The following SYNE1 variants were observed in gnomAD, a reference collection of about 807,000 sequenced individuals.
SYNE1 encodes spectrin repeat containing nuclear envelope protein 1, also known as nesprin-1.
SYNE1 carries 616 observed loss-of-function variants against 1,111.0 expected under a neutral mutation model. The ratio of observed to expected loss-of-function variants is 0.55; its 90% CI spans 0.52 to 0.59. The LOEUF is 0.59. SYNE1 is among the 20% of genes least tolerant of loss of function. The pLI, the probability that SYNE1 is intolerant of heterozygous loss-of-function variation, is 0.00. For missense variants in SYNE1, 10,006 were observed against 10,417.0 expected, an observed-to-expected ratio of 0.96 and a Z score of 1.72; for synonymous variants, 3,855 against 3,825.8, an observed-to-expected ratio of 1.01 and a Z score of -0.28.
intron 116 of SYNE1, among the ~76,000 whole-genome samples, chr6:152,224,955 ATG>A (rs1166337962): frequency 5.6e-4 from 81 of 145,880 alleles, no homozygotes; most frequent in African/African-American, 8.9e-4. Context: ...ACACATATAT[ATG>A]TGTATATATA....
Position 152,602,505 on chromosome 6 carries a change from A to G in SYNE1, c.67+25760T>C, listed in dbSNP as rs527782381. Among the ~76,000 whole-genome samples the G allele has an allele frequency of 1.8e-4, 28 of 152,296 alleles. 2 individuals carry two copies. Among genetic ancestry groups the G allele is most frequent in the African/African-American group, 6.5e-4 (27 of 41,558 alleles). On this transcript the variant is annotated intron_variant, in intron 3 of 145. Transcript: ENST00000367255. ...TTTCCATTGTTCAAGCCACCCAGTT[A>G]TGGTACTTTAATATGACCATCCTAG...
intron 54 of SYNE1, among the ~76,000 whole-genome samples, chr6:152,386,847 A>G (rs1011008551): frequency 3.9e-5 from 6 of 152,200 alleles, no homozygotes; most frequent in Non-Finnish European, 7.3e-5. Flanking sequence ...TAATCCCAAG[A>G]TTGTAGAAAG....
intron 115 of SYNE1, 49 bp from the exon 116 acceptor site, chr6:152,225,925 C>T: frequency 1.4e-5 from 22 of 1,575,174 alleles, no homozygotes; most frequent in Non-Finnish European, 1.9e-5. Context: ...TTATGGAACT[C>T]TGGGGTGCAC....
At chr6:152,611,257 C>T (rs578205766) in intron 3 of SYNE1, among the ~76,000 whole-genome samples, 4 of 152,104 alleles carry the variant, frequency 2.6e-5, no homozygotes, top group East Asian at 1.9e-4. Flanking sequence ...ACCCATCTCA[C>T]GTGCAGAGAC....
intron 25 of SYNE1, 60 bp downstream of exon 25, chr6:152,453,526 C>T (rs2098668744): frequency 6.2e-7 from 1 of 1,613,054 alleles, no homozygotes; most frequent in Non-Finnish European, 8.5e-7. Context: ...TGGACCTTAA[C>T]ACGCTCAAGC....
At position 152,413,206 on chromosome 6, in the gene SYNE1, T is replaced by C. The variant is rs922092019; in HGVS notation, c.6230+146A>G. ...ATAAAGTTCTGTCGAAATAAGTAAA[T>C]TTTCAATGTTATGAAAGTGACACAG... On this transcript the variant is annotated intron_variant, in intron 42 of 145. Coordinates refer to ENST00000367255, the MANE Select transcript of SYNE1 (RefSeq NM_182961.4). 12 of 988,276 alleles carry C rather than the reference T, an allele frequency of 1.2e-5. No homozygotes were observed. The African/African-American group carries it at 1.6e-4, about 13-fold the overall frequency. 61.2% of individuals were successfully genotyped at this position (988,276 alleles called of 1,614,324 possible).
At chr6:152,474,189 A>G (rs955358500) in intron 14 of SYNE1, among the ~76,000 whole-genome samples, 1 of 152,150 alleles carries the variant, frequency 6.6e-6, no homozygotes, top group African/African-American at 2.4e-5. Flanking sequence ...TGTCTCAAAA[A>G]AAAAAAAGAA....
At chr6:152,175,861 C>A (rs1482587761) in intron 130 of SYNE1, among the ~76,000 whole-genome samples, 3 of 152,130 alleles carry the variant, frequency 2.0e-5, no homozygotes, top group African/African-American at 7.2e-5. Context: ...ATGTAATATT[C>A]TTCTTAGGTA....
At chr6:152,463,676 T>A (rs370383464) in intron 18 of SYNE1, among the ~76,000 whole-genome samples, 159 bp from the exon 19 acceptor site, 7 of 152,302 alleles carry the variant, frequency 4.6e-5, no homozygotes, top group African/African-American at 1.7e-4. Context: ...TGATAAAAAG[T>A]TTCAAAATGT....
chr6:152,345,355 A>G (rs1327382078), intron 73 of SYNE1, among the ~76,000 whole-genome samples: 1 of 152,036 alleles, frequency 6.6e-6, no homozygotes. Context: ...GTGTAGCCTC[A>G]TTTTCTCTCT....
At chr6:152,602,674 G>T (rs1032487451) in intron 3 of SYNE1, among the ~76,000 whole-genome samples, 2 of 152,066 alleles carry the variant, frequency 1.3e-5, no homozygotes, top group Admixed American at 6.6e-5. Context: ...ATCCTTTCTG[G>T]AACAAGTAGG....
rs377235444 is a variant in SYNE1, at chr6:152,421,671, TTTTATTTATTTATTTATTTA to T, written c.5268-1969_5268-1950del. Among the ~76,000 whole-genome samples, 18 of 145,398 alleles carry T rather than the reference TTTTATTTATTTATTTATTTA, an allele frequency of 1.2e-4. No individual in the cohort carries two copies. The South Asian group carries it at 2.6e-3, about 21-fold the overall frequency. The stretch of plus-strand genomic sequence containing the variant: ...CCAAATCTTCCTTCCATTTTCCTTA[TTTTATTTATTTATTTATTTA>T]TTTATTTATTTATTTATTTATTTAT... On this transcript the variant is annotated intron_variant, in intron 39 of 145. Transcript: ENST00000367255.
chr6:152,474,166 C>G (rs1055208562), intron 14 of SYNE1, among the ~76,000 whole-genome samples: 2 of 144,468 alleles, frequency 1.4e-5, no homozygotes, highest in Non-Finnish European at 3.0e-5. Flanking sequence ...GCCTGGGCAA[C>G]AGGGTAAGAC....
At chr6:152,363,610 A>T in intron 63 of SYNE1, 1 of 248,272 alleles carries the variant, frequency 4.0e-6, no homozygotes, top group Non-Finnish European at 8.4e-6. Context: ...GTCCTTTTGT[A>T]GCAGACACTG....
chr6:152,248,417 TATAA>T (rs569713083), intron 105 of SYNE1, among the ~76,000 whole-genome samples: 13 of 151,948 alleles, frequency 8.6e-5, no homozygotes, highest in Non-Finnish European at 1.6e-4. Context: ...GCTTATAATT[TATAA>T]ATAAATAAAA....
intron 118 of SYNE1, among the ~76,000 whole-genome samples, 185 bp from the exon 119 acceptor site, chr6:152,221,231 T>C (rs2080106188): frequency 6.6e-6 from 1 of 152,198 alleles, no homozygotes; most frequent in Non-Finnish European, 1.5e-5. Context: ...ATGGCAATCT[T>C]TGGGTGTACA....
Position 152,572,776 on chromosome 6 carries a change from A to T in SYNE1, c.68-32755T>A, listed in dbSNP as rs1276939570. Among the ~76,000 whole-genome samples, 5 of 152,144 alleles carry T rather than the reference A, an allele frequency of 3.3e-5. No individual in the cohort carries two copies. The East Asian group carries it at 9.6e-4, about 29-fold the overall frequency. On this transcript the variant is annotated intron_variant, in intron 3 of 145. Coordinates refer to ENST00000367255, the MANE Select transcript of SYNE1 (RefSeq NM_182961.4). Reference sequence around the variant, plus strand: ...TGTAATGCCAAAAGCTGTGGAATAAAAGTTATTCCATGGTATTTGTTCATG... The same window carrying T: ...TGTAATGCCAAAAGCTGTGGAATAATAGTTATTCCATGGTATTTGTTCATG...
intron 128 of SYNE1, among the ~76,000 whole-genome samples, chr6:152,180,569 T>G (rs1156539767): frequency 6.9e-6 from 1 of 145,230 alleles, no homozygotes; most frequent in African/African-American, 2.6e-5. Flanking sequence ...ACATGACCAG[T>G]GAATGTAAAA....
intron 130 of SYNE1, among the ~76,000 whole-genome samples, chr6:152,172,602 TA>T (rs2065481542): frequency 6.6e-6 from 1 of 152,190 alleles, no homozygotes; most frequent in Non-Finnish European, 1.5e-5. Flanking sequence ...GAATTAATAC[TA>T]AAAAGACAGA....
Sources: gnomAD v4.1 joint callset for allele counts (sites outside exome capture counted in the v4.1 genomes callset) on GRCh38, gnomAD v4.1.1 for gene constraint, MANE v1.5 for transcripts, NCBI Gene and HGNC (gene_info 2026-07-23, HGNC 2026-07-21) for gene names.